RBFOX1: variants seen among roughly 807,000 people sequenced by gnomAD.
RBFOX1 encodes RNA binding fox-1 homolog 1, also known as RNA binding protein fox-1 homolog 1.
Under a neutral mutation model 57.7 loss-of-function variants are expected in RBFOX1, and 8 were observed. The observed-to-expected ratio is 0.14, with a 90% CI of 0.08 to 0.25. The LOEUF is 0.25. Ranked by LOEUF, RBFOX1 falls within the 10% of genes least tolerant of loss-of-function variation. The probability of loss-of-function intolerance (pLI) is 1.00; values close to 1 mark genes in which losing one functional copy is unlikely to be tolerated. For synonymous variants in RBFOX1, 326 were observed against 222.4 expected (o/e 1.47, Z -4.15); for missense variants, 611 against 548.5 (o/e 1.11, Z -1.14).
chr16:7,246,907 C>A (rs1032452695), intron 4 of RBFOX1, among the ~76,000 whole-genome samples: 3 of 152,106 alleles, frequency 2.0e-5, no homozygotes, highest in Admixed American at 1.3e-4. Context: ...ATACAACCTC[C>A]CTAAACCTCA....
chr16:6,892,442 G>A (rs1265552111), intron 3 of RBFOX1, among the ~76,000 whole-genome samples: 1 of 152,110 alleles, frequency 6.6e-6, no homozygotes, highest in Non-Finnish European at 1.5e-5. Flanking sequence ...GGCCGAAGTG[G>A]GTGGATCCCT....
intron 14 of RBFOX1, 23 bp downstream of exon 14, chr16:7,676,861 T>C (rs781139595): frequency 1.3e-6 from 2 of 1,591,962 alleles, no homozygotes; most frequent in Non-Finnish European, 1.7e-6. Context: ...CTTCTTGTGC[T>C]TGACAACTAC....
At chr16:6,698,896 C>T (rs1476169302) in intron 3 of RBFOX1, among the ~76,000 whole-genome samples, 2 of 152,088 alleles carry the variant, frequency 1.3e-5, no homozygotes, top group East Asian at 1.9e-4. Context: ...GTGATATTTT[C>T]CCCCTTATTC....
intron 2 of RBFOX1, among the ~76,000 whole-genome samples, chr16:5,506,741 C>T (rs1221710390): frequency 6.6e-6 from 1 of 152,094 alleles, no homozygotes; most frequent in Non-Finnish European, 1.5e-5. Context: ...CTCCAAGACC[C>T]CTTCTTTCTT....
intron 1 of RBFOX1, among the ~76,000 whole-genome samples, chr16:5,402,840 G>T (rs778163597): frequency 6.6e-6 from 1 of 151,940 alleles, no homozygotes; most frequent in African/African-American, 2.4e-5. Context: ...CCCTCCAACC[G>T]TCCATCCAAT....
intron 2 of RBFOX1, among the ~76,000 whole-genome samples, chr16:5,503,691 G>A (rs533018649): frequency 1.3e-5 from 2 of 152,108 alleles, no homozygotes; most frequent in African/African-American, 4.8e-5. Context: ...TGATCCATCT[G>A]CCTCGGCCTC....
chr16:7,705,910 T>G (rs2082279556), intron 14 of RBFOX1, among the ~76,000 whole-genome samples: 1 of 152,186 alleles, frequency 6.6e-6, no homozygotes, highest in South Asian at 2.1e-4. Flanking sequence ...ATCATCATGA[T>G]CTGACTGCAC....
intron 2 of RBFOX1, among the ~76,000 whole-genome samples, chr16:6,572,872 G>C (rs948771009): frequency 2.6e-5 from 4 of 152,124 alleles, no homozygotes; most frequent in Non-Finnish European, 5.9e-5. Flanking sequence ...GGGATTTCAG[G>C]AGTGATCCCG....
intron 4 of RBFOX1, among the ~76,000 whole-genome samples, chr16:5,878,250 T>C (rs2057666935): frequency 6.6e-6 from 1 of 152,138 alleles, no homozygotes; most frequent in African/African-American, 2.4e-5. Context: ...TGGTGGTGGT[T>C]ATAGCGGCAG....
At chr16:6,977,327 T>C (rs1057091740) in intron 3 of RBFOX1, among the ~76,000 whole-genome samples, 2 of 151,990 alleles carry the variant, frequency 1.3e-5, no homozygotes, top group African/African-American at 2.4e-5. Context: ...AGAATTGATA[T>C]TATGATCTTT....
At chr16:5,858,095 T>A (rs1286756768) in intron 3 of RBFOX1, among the ~76,000 whole-genome samples, 1 of 152,192 alleles carries the variant, frequency 6.6e-6, no homozygotes, top group African/African-American at 2.4e-5. Flanking sequence ...TATTTCCACA[T>A]TGCCAAGCTA....
intron 1 of RBFOX1, among the ~76,000 whole-genome samples, chr16:6,051,878 T>C (rs986360044): frequency 3.9e-5 from 6 of 152,106 alleles, no homozygotes; most frequent in African/African-American, 1.4e-4. Context: ...AGTTTTCTTT[T>C]ATTTATCTTT....
intron 2 of RBFOX1, among the ~76,000 whole-genome samples, chr16:6,571,111 C>G (rs2153950922): frequency 6.6e-6 from 1 of 152,310 alleles, no homozygotes. Context: ...TGTGGGTCCT[C>G]AGGGAGAATA....
chr16:6,526,952 A>T (rs992873987), intron 2 of RBFOX1, among the ~76,000 whole-genome samples: 1 of 151,832 alleles, frequency 6.6e-6, no homozygotes, highest in Non-Finnish European at 1.5e-5. Flanking sequence ...TAAATAAATC[A>T]CCCAAGATCA....
At chr16:6,166,808 C>G (rs2096921112) in intron 1 of RBFOX1, among the ~76,000 whole-genome samples, 1 of 152,122 alleles carries the variant, frequency 6.6e-6, no homozygotes, top group African/African-American at 2.4e-5. Flanking sequence ...GAGTCTCACT[C>G]TGTTGCCCAG....
At chr16:6,096,552 T>G (rs768211010) in intron 1 of RBFOX1, among the ~76,000 whole-genome samples, 6 of 152,224 alleles carry the variant, frequency 3.9e-5, no homozygotes, top group Admixed American at 6.5e-5. Context: ...GTGAATTCTC[T>G]ACTCCTATGA....
chr16:6,124,892 C>G (rs993284253), intron 1 of RBFOX1, among the ~76,000 whole-genome samples: 3 of 152,162 alleles, frequency 2.0e-5, no homozygotes, highest in African/African-American at 7.2e-5. Flanking sequence ...AGATTTTTAA[C>G]CATCTACAAC....
At chr16:6,794,015 A>C (rs1035818636) in intron 3 of RBFOX1, among the ~76,000 whole-genome samples, 6 of 152,148 alleles carry the variant, frequency 3.9e-5, no homozygotes, top group Non-Finnish European at 7.3e-5. Context: ...TTTATTGGTT[A>C]GGTAATGAAG....
At chr16:6,381,833 C>G (rs906152366) in intron 2 of RBFOX1, among the ~76,000 whole-genome samples, 1 of 152,230 alleles carries the variant, frequency 6.6e-6, no homozygotes, top group African/African-American at 2.4e-5. Flanking sequence ...CATGCATTCA[C>G]CTGGTCAGTT....
Sources: gnomAD v4.1 joint callset for allele counts (sites outside exome capture counted in the v4.1 genomes callset) on GRCh38, gnomAD v4.1.1 for gene constraint, MANE v1.5 for transcripts, NCBI Gene and HGNC (gene_info 2026-07-23, HGNC 2026-07-21) for gene names.